Variants in TTLL7 observed in about 807,000 individuals in gnomAD.
TTLL7 encodes tubulin tyrosine ligase like 7, also known as tubulin polyglutamylase TTLL7.
TTLL7 carries 53 observed loss-of-function variants against 120.2 expected under a neutral mutation model. That is an observed-to-expected ratio of 0.44 (90% CI 0.35 to 0.55). The LOEUF (loss-of-function observed/expected upper bound fraction) is 0.55. TTLL7 is among the 20% of genes least tolerant of loss of function. The probability of loss-of-function intolerance (pLI) is 0.00; values close to 1 mark genes in which losing one functional copy is unlikely to be tolerated. For missense variants in TTLL7, 803 were observed against 1,054.7 expected (o/e 0.76, Z 3.31); for synonymous variants, 353 against 351.7 (o/e 1.00, Z -0.04).
chr1:83,992,195 G>C (rs567441900), intron 1 of TTLL7, among the ~76,000 whole-genome samples: 6 of 152,050 alleles, frequency 3.9e-5, no homozygotes, highest in African/African-American at 1.4e-4. Context: ...TATATATACA[G>C]CTCACTTAAT....
chr1:83,991,406 G>T (rs1364116962), intron 1 of TTLL7, among the ~76,000 whole-genome samples: 1 of 152,132 alleles, frequency 6.6e-6, no homozygotes, highest in East Asian at 1.9e-4. Context: ...TGCATTTTGG[G>T]ATGCTAAGGC....
intron 20 of TTLL7, among the ~76,000 whole-genome samples, chr1:83,872,278 A>G (rs1253404426): frequency 1.3e-5 from 2 of 152,230 alleles, no homozygotes; most frequent in Admixed American, 6.5e-5. Flanking sequence ...ACCAAATTAA[A>G]TCAATATTGT....
intron 4 of TTLL7, 105 bp from the exon 5 acceptor site, chr1:83,948,800 C>T: frequency 1.4e-6 from 1 of 713,490 alleles, no homozygotes; most frequent in Admixed American, 2.5e-5. Flanking sequence ...TTTTAATAAA[C>T]TGCCAATTAT....
intron 7 of TTLL7, among the ~76,000 whole-genome samples, chr1:83,938,662 T>C (rs1376946220): frequency 6.6e-6 from 1 of 152,176 alleles, no homozygotes; most frequent in African/African-American, 2.4e-5. Context: ...TGTCTCTTTA[T>C]GATCTTACAT....
chr1:83,979,662 A>G (rs1651787371), intron 1 of TTLL7: 1 of 152,198 alleles, frequency 6.6e-6, no homozygotes, highest in Non-Finnish European at 1.5e-5. Context: ...TCCATCCAAA[A>G]TTAGCTTGGC....
At chr1:83,890,049 A>G in intron 19 of TTLL7, 1 of 477,338 alleles carries the variant, frequency 2.1e-6, no homozygotes, top group East Asian at 5.1e-5. Context: ...AGGCGACTGC[A>G]GAAGAACTTC....
chr1:83,906,848 C>T (rs190757830), intron 16 of TTLL7, among the ~76,000 whole-genome samples: 1 of 152,120 alleles, frequency 6.6e-6, no homozygotes, highest in Admixed American at 6.5e-5. Context: ...GAAACATGAT[C>T]CATATTAAAT....
intron 20 of TTLL7, among the ~76,000 whole-genome samples, chr1:83,870,637 G>A (rs955864772): frequency 4.6e-5 from 7 of 152,124 alleles, no homozygotes; most frequent in East Asian, 1.9e-4. Flanking sequence ...TCAGCCAGGC[G>A]CAGTGGCTCA....
At chr1:83,914,434 C>G (rs954997092) in intron 14 of TTLL7, among the ~76,000 whole-genome samples, 3 of 142,860 alleles carry the variant, frequency 2.1e-5, no homozygotes, top group African/African-American at 5.2e-5. Context: ...CACGTTCAAG[C>G]AATTCTCCTG....
intron 6 of TTLL7, chr1:83,946,539 T>C (rs1034570510): frequency 6.6e-6 from 1 of 152,260 alleles, no homozygotes; most frequent in Non-Finnish European, 1.5e-5. Context: ...TAATTGTACA[T>C]GCTATACTTT....
chr1:83,936,714 A>G (rs1647427586), intron 8 of TTLL7, among the ~76,000 whole-genome samples: 1 of 152,062 alleles, frequency 6.6e-6, no homozygotes, highest in Admixed American at 6.6e-5. Flanking sequence ...TTTTTGTTAG[A>G]GTCCCAACAT....
rs1037522758 is a variant in TTLL7, at chr1:83,867,504, A to G, written c.*2458T>C. 1 of 151,368 alleles carries G rather than the reference A, an allele frequency of 6.6e-6. No individual in the cohort carries two copies. Among genetic ancestry groups the G allele is most frequent in the East Asian group, 1.9e-4 (1 of 5,166 alleles). The allele number at this position is 151,368 out of a possible 1,614,324, so 9.4% of individuals were successfully genotyped here. ...AAATCAATTTGTGGGGTACTTTCAT[A>G]CATTTAAATTTACTCAGTTTTTAAA... is the stretch of plus-strand genomic sequence containing the variant. On this transcript the variant is annotated 3_prime_UTR_variant, in exon 21 of 21. Transcript: ENST00000260505.
chr1:83,953,362 A>C (rs1359527356), intron 1 of TTLL7, among the ~76,000 whole-genome samples: 1 of 152,216 alleles, frequency 6.6e-6, no homozygotes, highest in Non-Finnish European at 1.5e-5. Flanking sequence ...TATGATAAGC[A>C]AAGGTATAAT....
In TTLL7 at chr1:83,927,425, A is replaced by G. The variant is rs539099481; in HGVS notation, c.1142+1711T>C. Among the ~76,000 whole-genome samples, 62 of 152,264 alleles carry G rather than the reference A, an allele frequency of 4.1e-4. 1 individual carries two copies. The South Asian group carries it at 8.9e-3, about 22-fold the overall frequency. On this transcript the variant is annotated intron_variant, in intron 10 of 20. Coordinates refer to ENST00000260505, the MANE Select transcript of TTLL7 (RefSeq NM_024686.6). ...TGGTCAAAAGGAAGACTTCATAATAAAAGATGGGATTTGAGTCACAAGCAA... is the reference window on the plus strand; with the variant it reads ...TGGTCAAAAGGAAGACTTCATAATAGAAGATGGGATTTGAGTCACAAGCAA...
At chr1:83,973,965 T>C (rs965154563) in intron 1 of TTLL7, among the ~76,000 whole-genome samples, 1 of 152,018 alleles carries the variant, frequency 6.6e-6, no homozygotes, top group African/African-American at 2.4e-5. Flanking sequence ...TATACAAGCA[T>C]ATGCCTAAGT....
At chr1:83,937,000 TAG>T (rs1647454791) in intron 8 of TTLL7, among the ~76,000 whole-genome samples, 2 of 152,126 alleles carry the variant, frequency 1.3e-5, no homozygotes, top group South Asian at 4.1e-4. Context: ...CTGTGATATA[TAG>T]AAAGTAAGAT....
chr1:83,884,615 A>G (rs530180948), intron 19 of TTLL7, among the ~76,000 whole-genome samples: 1 of 151,312 alleles, frequency 6.6e-6, no homozygotes, highest in East Asian at 2.0e-4. Context: ...AGGCTTTTAA[A>G]ATACTGGTGT....
chr1:83,876,385 T>C (rs1355207503), intron 20 of TTLL7, among the ~76,000 whole-genome samples: 1 of 151,986 alleles, frequency 6.6e-6, no homozygotes, highest in Non-Finnish European at 1.5e-5. Context: ...TATATTGCTC[T>C]ATTTCAAGAT....
chr1:83,919,442 TAAG>T, intron 13 of TTLL7, among the ~76,000 whole-genome samples: 1 of 152,298 alleles, frequency 6.6e-6, no homozygotes, highest in Non-Finnish European at 1.5e-5. Flanking sequence ...CACATCTATG[TAAG>T]AAGATACGTT....
Sources: gnomAD v4.1 joint callset for allele counts (sites outside exome capture counted in the v4.1 genomes callset) on GRCh38, gnomAD v4.1.1 for gene constraint, MANE v1.5 for transcripts, NCBI Gene and HGNC (gene_info 2026-07-23, HGNC 2026-07-21) for gene names.